FBN2: variants seen among roughly 807,000 people sequenced by gnomAD.
FBN2 encodes fibrillin-2.
Under a neutral mutation model 355.6 loss-of-function variants are expected in FBN2, and 105 were observed. That is an observed-to-expected ratio of 0.30 (90% CI 0.25 to 0.35). The LOEUF is 0.35. FBN2 is among the 10% of genes least tolerant of loss of function. The pLI is 1.00. For missense variants in FBN2, 3,280 were observed against 3,758.7 expected, an observed-to-expected ratio of 0.87 and a Z score of 3.33; for synonymous variants, 1,350 against 1,301.2, an observed-to-expected ratio of 1.04 and a Z score of -0.81.
chr5:128,464,905 C>T lies in FBN2; in HGVS notation c.645G>A (p.Pro215=), dbSNP rs764473594. Residue 215 remains proline, a synonymous_variant, in exon 6 of 65, where the codon CCG becomes CCA. Transcript: ENST00000262464. The part of the protein sequence containing the change: ...PQCERDYRTG[P]CFTQVNNQMC... ...TCTGGTTGTTGACCTGAGTGAAACA[C>T]GGGCCTGTCCTGTAATCTGGAATGT... 3.0e-5 allele frequency: 49 copies of T among 1,614,062 alleles called. No homozygotes were observed. The highest frequency in any genetic ancestry group is 3.7e-5 in the Non-Finnish European group (44 of 1,180,024).
At chr5:128,420,929 G>A (rs1025154567) in intron 7 of FBN2, among the ~76,000 whole-genome samples, 16 of 152,040 alleles carry the variant, frequency 1.1e-4, no homozygotes, top group South Asian at 4.1e-4. Flanking sequence ...CATGAGAATC[G>A]GCAAAAGTTC....
At chr5:128,512,953 A>G (rs1229558479) in intron 5 of FBN2, among the ~76,000 whole-genome samples, 1 of 152,214 alleles carries the variant, frequency 6.6e-6, no homozygotes, top group Non-Finnish European at 1.5e-5. Flanking sequence ...ATAGATATAT[A>G]TTATATATGT....
In FBN2 at chr5:128,335,172, A is replaced by G. The variant is rs150872093; in HGVS notation, c.3971T>C (p.Ile1324Thr). The G allele has an allele frequency of 1.2e-6, 2 of 1,613,966 alleles. No individual in the cohort carries two copies. Among genetic ancestry groups the G allele is most frequent in the Non-Finnish European group, 1.7e-6 (2 of 1,180,018 alleles). The change falls in exon 30 of 65, where the codon ATT becomes ACT. Residue 1324 changes from isoleucine to threonine, a missense_variant and splice_region_variant. Coordinates refer to ENST00000262464, the MANE Select transcript of FBN2 (RefSeq NM_001999.4). ...FMASMDMKTC[I>T]DVNECDLNSN... ...TTATCCTTTCTTATGATACCCACCAATGCATGTTTTCATGTCCATGGAAGC... is the reference window on the plus strand; with the variant it reads ...TTATCCTTTCTTATGATACCCACCAGTGCATGTTTTCATGTCCATGGAAGC...
rs1043670967 is a variant in FBN2, at chr5:128,311,228, C to T, written c.5074+72G>A. 2.3e-5 allele frequency: 36 copies of T among 1,550,490 alleles called. No homozygotes were observed. In the African/African-American group the frequency reaches 4.2e-4, roughly 18 times the overall value. ...CCTTTTGTAGAATGTGAGGATGGGC[C>T]TTTCCCTCAGGCCTCAGCAGCCATT... On this transcript the variant is annotated intron_variant, in intron 39 of 64. Transcript: ENST00000262464.
In FBN2 at chr5:128,369,380, AAG is replaced by A. The variant is rs776653610; in HGVS notation, c.2096-48_2096-47del. 7 of 1,606,006 alleles carry A rather than the reference AAG, an allele frequency of 4.4e-6. No homozygotes were observed. In the South Asian group the frequency reaches 7.7e-5, roughly 18 times the overall value. On this transcript the variant is annotated intron_variant, in intron 15 of 64. Transcript: ENST00000262464. ...ATGACTTGAGGCAGTGATAGAGACA[AAG>A]AGATTTCGAAACAGAAGGCTTCTTT...
At chr5:128,310,159 A>G (rs1749994520) in intron 39 of FBN2, 51 bp from the exon 40 acceptor site, 2 of 1,460,214 alleles carry the variant, frequency 1.4e-6, no homozygotes, top group South Asian at 1.2e-5. Flanking sequence ...TTTTCAATGA[A>G]TTTATATTAC....
At chr5:128,416,088 G>A (rs1753190702) in intron 7 of FBN2, among the ~76,000 whole-genome samples, 2 of 151,308 alleles carry the variant, frequency 1.3e-5, no homozygotes. Context: ...GTGCAATGGG[G>A]CGATCTCGGC....
chr5:128,329,047 T>C (rs753152738), intron 33 of FBN2, among the ~76,000 whole-genome samples: 8 of 152,188 alleles, frequency 5.3e-5, no homozygotes, highest in African/African-American at 9.7e-5. Context: ...CTATTTAACC[T>C]GCACCCTAAC....
intron 62 of FBN2, among the ~76,000 whole-genome samples, chr5:128,267,613 TG>T (rs1248784452): frequency 9.8e-5 from 15 of 152,294 alleles, no homozygotes; most frequent in African/African-American, 2.2e-4. Context: ...GCCACATAAA[TG>T]TTTTTTTTTG....
At chr5:128,530,167 A>T (rs796656696) in intron 3 of FBN2, among the ~76,000 whole-genome samples, 20 of 152,324 alleles carry the variant, frequency 1.3e-4, no homozygotes, top group African/African-American at 4.8e-4. Flanking sequence ...GTCCACAGTT[A>T]TAATTATCTT....
chr5:128,475,920 T>A (rs1754996781), intron 5 of FBN2, among the ~76,000 whole-genome samples: 1 of 152,176 alleles, frequency 6.6e-6, no homozygotes, highest in African/African-American at 2.4e-5. Flanking sequence ...TAGCCTGAAA[T>A]GATAACAACA....
chr5:128,471,578 G>A (rs1353487869), intron 5 of FBN2, among the ~76,000 whole-genome samples: 3 of 152,096 alleles, frequency 2.0e-5, no homozygotes, highest in African/African-American at 7.2e-5. Context: ...TAAGAGATCT[G>A]TGCAAATATT....
intron 6 of FBN2, among the ~76,000 whole-genome samples, chr5:128,451,743 A>G (rs1754254331): frequency 6.6e-6 from 1 of 152,180 alleles, no homozygotes. Flanking sequence ...CTCTCATTAC[A>G]GTGTGGTATA....
At chr5:128,373,296 A>G (rs1053493989) in intron 15 of FBN2, among the ~76,000 whole-genome samples, 1 of 152,324 alleles carries the variant, frequency 6.6e-6, no homozygotes, top group Admixed American at 6.5e-5. Flanking sequence ...AAATATATTA[A>G]AGCAACTGAA....
chr5:128,343,573 C>T (rs1452196366), intron 25 of FBN2, among the ~76,000 whole-genome samples: 1 of 152,154 alleles, frequency 6.6e-6, no homozygotes, highest in African/African-American at 2.4e-5. Context: ...GAAGACACAG[C>T]TCAAGGGTCT....
At chr5:128,268,404 G>A (rs944240852) in intron 62 of FBN2, among the ~76,000 whole-genome samples, 1 of 151,956 alleles carries the variant, frequency 6.6e-6, no homozygotes, top group Non-Finnish European at 1.5e-5. Context: ...CCAAAAAAAA[G>A]CCCAGGACCA....
Position 128,272,101 on chromosome 5 carries a change from C to T in FBN2, c.7858G>A (p.Gly2620Arg), listed in dbSNP as rs373829461. ...CAGCCGTGTTGGCACCTGTGGTTCC[C>T]ATCACATTCATCAACATCTGCAAAA... ...LNCEDVDECD[G>R]NHRCQHGCQN... is the part of the protein sequence containing the mutation. Residue 2620 changes from glycine (G) to arginine (R), a missense_variant, in exon 62 of 65, where the codon GGG (glycine) becomes AGG (arginine). Gly to Arg is a moderately radical substitution (Grantham distance 125). Coordinates refer to ENST00000262464, the MANE Select transcript of FBN2 (RefSeq NM_001999.4). 5 of 1,613,972 alleles carry T rather than the reference C, an allele frequency of 3.1e-6. No individual in the cohort carries two copies. The South Asian group carries it at 4.4e-5, about 14-fold the overall frequency.
chr5:128,330,803 T>C, intron 32 of FBN2, 108 bp from the exon 33 acceptor site: 1 of 1,264,824 alleles, frequency 7.9e-7, no homozygotes, highest in South Asian at 1.3e-5. Flanking sequence ...TGACAGGCAT[T>C]TTAGTTTGCA....
intron 23 of FBN2, among the ~76,000 whole-genome samples, chr5:128,347,498 C>A (rs926007222): frequency 2.0e-5 from 3 of 152,152 alleles, no homozygotes; most frequent in African/African-American, 7.2e-5. Flanking sequence ...TTGCTGCAGT[C>A]CCCACTGCTC....
Sources: allele counts gnomAD v4.1 joint callset (sites outside exome capture counted in the v4.1 genomes callset), GRCh38; gene constraint gnomAD v4.1.1; transcripts MANE v1.5; gene names NCBI Gene and HGNC (gene_info 2026-07-23, HGNC 2026-07-21).